PRIMPOL: variants seen among roughly 807,000 people sequenced by gnomAD.
PRIMPOL encodes the protein DNA-directed primase/polymerase protein.
A neutral mutation model predicts 63.6 loss-of-function variants in PRIMPOL; 54 were observed. The ratio of observed to expected loss-of-function variants is 0.85; its 90% confidence interval spans 0.68 to 1.07. PRIMPOL has a LOEUF of 1.07. Among genes scored for constraint, PRIMPOL ranks in the 50% least tolerant of loss-of-function variants. The pLI is 0.00. For synonymous variants in PRIMPOL, 197 were observed against 220.2 expected (o/e 0.89, Z 0.93); for missense variants, 610 against 648.3 (o/e 0.94, Z 0.64).
chr4:184,686,763 C>T (rs1177884623), intron 11 of PRIMPOL, among the ~76,000 whole-genome samples: 2 of 152,184 alleles, frequency 1.3e-5, no homozygotes, highest in Non-Finnish European at 2.9e-5. Context: ...AAGCTGGAAA[C>T]ACATTGGGTA....
intron 6 of PRIMPOL, among the ~76,000 whole-genome samples, chr4:184,666,949 T>C (rs1750073988): frequency 6.6e-6 from 1 of 152,178 alleles, no homozygotes; most frequent in South Asian, 2.1e-4. Context: ...AAAAGCCAAA[T>C]CCTGAGTGCT....
At chr4:184,656,009 G>A (rs901456501) in intron 2 of PRIMPOL, among the ~76,000 whole-genome samples, 1 of 152,028 alleles carries the variant, frequency 6.6e-6, no homozygotes, top group African/African-American at 2.4e-5. Context: ...GGTCTCTCTG[G>A]GACTCAGGCT....
rs1759405339 is a variant in PRIMPOL, at chr4:184,693,252, C to T, written c.1426-1270C>T. 3.3e-5 allele frequency among the ~76,000 whole-genome samples: 5 copies of T among 152,250 alleles called. 1 individual carries two copies. In the South Asian group the frequency reaches 1.0e-3, roughly 32 times the overall value. On this transcript the variant is annotated intron_variant, in intron 13 of 13. Coordinates refer to ENST00000314970, the MANE Select transcript of PRIMPOL (RefSeq NM_152683.4). ...CAGGTTAAAATGTGTTTTGAAATAA[C>T]CAAGAACAAAGTAAATTTTAAAAAA...
chr4:184,678,262 T>A lies in PRIMPOL; in HGVS notation c.875T>A (p.Leu292Gln). 1 of 1,591,444 alleles carries A rather than the reference T, an allele frequency of 6.3e-7. No homozygotes were observed. Among genetic ancestry groups the A allele is most frequent in the Middle Eastern group, 1.7e-4 (1 of 5,988 alleles). The part of the protein sequence containing the change: ...GVYTRNRNFR[L>Q]YKSSKIGKRV... ...TATACAAGAAATAGAAACTTTCGGC[T>A]ATATAAATCATCAAAAATTGGAAAG... The change falls in exon 8 of 14, where the codon CTA becomes CAA. Residue 292 changes from leucine (L) to glutamine (Q), a missense_variant. This residue lies in a region of PRIMPOL where 444 missense variants were observed against 456.4 expected (regional missense o/e 0.97). Coordinates refer to ENST00000314970, the MANE Select transcript of PRIMPOL (RefSeq NM_152683.4).
In PRIMPOL at chr4:184,672,209, AC is replaced by A; in HGVS notation, c.594del (p.Leu199CysfsTer68). On this transcript the variant is annotated frameshift_variant, in exon 7 of 14. Transcript: ENST00000314970. LOFTEE classifies it high-confidence loss of function. ...AGAAAAATTTTGCAGCCTGCTCTTG[AC>A]TTGCTTGGCAGTGAAGATGATGATA... ...FLRKILQPALDLLGSEDDDSA... is the reference protein window; with the variant it reads ...FLRKILQPALXLLGSEDDDSA... 1 of 1,610,874 alleles carries A rather than the reference AC, an allele frequency of 6.2e-7. No individual in the cohort carries two copies. Among genetic ancestry groups the A allele is most frequent in the Non-Finnish European group, 8.5e-7 (1 of 1,179,270 alleles).
At chr4:184,691,392 T>C in intron 11 of PRIMPOL, 107 bp from the exon 12 acceptor site, 2 of 679,148 alleles carry the variant, frequency 2.9e-6, no homozygotes, top group Non-Finnish European at 5.1e-6. Flanking sequence ...TTTTAATTTT[T>C]CTCCATCTTT....
intron 13 of PRIMPOL, among the ~76,000 whole-genome samples, chr4:184,693,678 TG>T (rs1235471855): frequency 6.6e-6 from 1 of 152,262 alleles, no homozygotes; most frequent in Non-Finnish European, 1.5e-5. Flanking sequence ...GGAACTCTGC[TG>T]TCTGTCCTCT....
chr4:184,662,378 C>T (rs117747052), intron 5 of PRIMPOL, among the ~76,000 whole-genome samples: 96 of 152,146 alleles, frequency 6.3e-4, no homozygotes, highest in African/African-American at 2.2e-3. Flanking sequence ...AAGGCCCAGA[C>T]GAAACTAATT....
In PRIMPOL at chr4:184,694,722, T is replaced by C. The variant is rs932654357; in HGVS notation, c.1626T>C (p.Tyr542=). 6 of 1,613,172 alleles carry C rather than the reference T, an allele frequency of 3.7e-6. No homozygotes were observed. The highest frequency in any genetic ancestry group is 5.1e-6 in the Non-Finnish European group (6 of 1,179,184). ...AEAAENSLLS[Y]NSEVDEIPDE... ...CTGCAGAGAACAGTCTTCTCAGTTATAACAGTGAAGTGGATGAAATTCCTG... is the reference window on the plus strand; with the variant it reads ...CTGCAGAGAACAGTCTTCTCAGTTACAACAGTGAAGTGGATGAAATTCCTG... The change falls in exon 14 of 14, where the codon TAT becomes TAC. Residue 542 remains tyrosine, a synonymous_variant. Coordinates refer to ENST00000314970, the MANE Select transcript of PRIMPOL (RefSeq NM_152683.4).
At chr4:184,693,950 C>T (rs1292221821) in intron 13 of PRIMPOL, among the ~76,000 whole-genome samples, 16 of 152,074 alleles carry the variant, frequency 1.1e-4, no homozygotes, top group African/African-American at 9.7e-5. Context: ...ATTACAGGCA[C>T]GTGCCACTGC....
At chr4:184,674,239 C>T (rs1345493567) in intron 7 of PRIMPOL, among the ~76,000 whole-genome samples, 2 of 152,164 alleles carry the variant, frequency 1.3e-5, no homozygotes, top group African/African-American at 2.4e-5. Flanking sequence ...GAAATCATTT[C>T]CTAAACCATC....
In PRIMPOL at chr4:184,666,069, G is replaced by A. The variant is rs1161658157; in HGVS notation, c.556+5G>A. ...TTAAAGATAATATTCATGTTGGTAA[G>A]TACACGGCTTTTTAAAAATCATGGA... On this transcript the variant is annotated splice_donor_5th_base_variant and intron_variant, in intron 6 of 13. Coordinates refer to ENST00000314970, the MANE Select transcript of PRIMPOL (RefSeq NM_152683.4). 6.3e-7 allele frequency: 1 copy of A among 1,581,018 alleles called. No individual in the cohort carries two copies. Among genetic ancestry groups the A allele is most frequent in the African/African-American group, 1.4e-5 (1 of 73,240 alleles).
At chr4:184,693,072 C>T (rs1287090988) in intron 13 of PRIMPOL, among the ~76,000 whole-genome samples, 1 of 152,110 alleles carries the variant, frequency 6.6e-6, no homozygotes, top group Non-Finnish European at 1.5e-5. Context: ...TTACCTGCTA[C>T]AAGCAGAACA....
intron 9 of PRIMPOL, among the ~76,000 whole-genome samples, chr4:184,684,195 C>T (rs1006415736): frequency 2.0e-5 from 3 of 152,106 alleles, no homozygotes; most frequent in African/African-American, 2.4e-5. Flanking sequence ...CGGTGGCTCA[C>T]GCCTGTAATC....
intron 7 of PRIMPOL, among the ~76,000 whole-genome samples, chr4:184,673,026 A>T (rs1340091268): frequency 6.6e-6 from 1 of 152,174 alleles, no homozygotes; most frequent in Admixed American, 6.5e-5. Context: ...CAACAGGCCA[A>T]TCGAGACCCT....
At chr4:184,658,758 A>G (rs1055777870) in intron 3 of PRIMPOL, among the ~76,000 whole-genome samples, 2 of 152,024 alleles carry the variant, frequency 1.3e-5, no homozygotes, top group Admixed American at 6.6e-5. Flanking sequence ...AATACAAAAA[A>G]TTAATCGGGC....
chr4:184,658,140 A>G (rs1747113952), intron 3 of PRIMPOL, among the ~76,000 whole-genome samples: 1 of 151,978 alleles, frequency 6.6e-6, no homozygotes, highest in Non-Finnish European at 1.5e-5. Context: ...TGCTTATATG[A>G]TAGCATAAGT....
chr4:184,663,444 CAG>C (rs1275059932), intron 5 of PRIMPOL, among the ~76,000 whole-genome samples: 4 of 152,140 alleles, frequency 2.6e-5, no homozygotes, highest in African/African-American at 9.7e-5. Context: ...AACCTCGATT[CAG>C]AGATTTTCAC....
chr4:184,659,459 C>A, intron 4 of PRIMPOL, 22 bp downstream of exon 4: 2 of 1,498,406 alleles, frequency 1.3e-6, no homozygotes, highest in Non-Finnish European at 1.9e-6. Flanking sequence ...GCAGCAGAAC[C>A]ACACATTAAG....
Sources: allele counts gnomAD v4.1 joint callset (sites outside exome capture counted in the v4.1 genomes callset), GRCh38; gene constraint gnomAD v4.1.1; regional missense constraint gnomAD v4.1.1; transcripts MANE v1.5; gene names NCBI Gene and HGNC (gene_info 2026-07-23, HGNC 2026-07-21).